Variants in PARD3 observed in about 807,000 individuals in gnomAD.
PARD3 encodes partitioning defective 3 homolog.
PARD3 carries 75 observed loss-of-function variants against 155.4 expected under a neutral mutation model. The ratio of observed to expected loss-of-function variants is 0.48; its 90% CI spans 0.40 to 0.58. PARD3 has a LOEUF of 0.58. Ranked by LOEUF, PARD3 falls within the 20% of genes least tolerant of loss-of-function variation. The pLI is 0.00. For synonymous variants in PARD3, 576 were observed against 610.5 expected (o/e 0.94, Z 0.83); for missense variants, 1,642 against 1,721.7 (o/e 0.95, Z 0.82).
chr10:34,732,175 A>G (rs1224971536), intron 1 of PARD3, among the ~76,000 whole-genome samples: 1 of 152,124 alleles, frequency 6.6e-6, no homozygotes, highest in African/African-American at 2.4e-5. Flanking sequence ...AAAGGTAAGA[A>G]AAAAAAAGAA....
intron 22 of PARD3, among the ~76,000 whole-genome samples, chr10:34,247,509 AAAC>A: frequency 6.6e-6 from 1 of 152,200 alleles, no homozygotes; most frequent in Non-Finnish European, 1.5e-5. Context: ...GAAACAAAAC[AAAC>A]AAAACAAAAA....
At chr10:34,775,962 C>T (rs1040359054) in intron 1 of PARD3, among the ~76,000 whole-genome samples, 2 of 152,136 alleles carry the variant, frequency 1.3e-5, no homozygotes, top group Non-Finnish European at 2.9e-5. Flanking sequence ...TGGTGGCTTA[C>T]ACCTGTAATC....
chr10:34,727,570 A>AT (rs5784427), intron 1 of PARD3, among the ~76,000 whole-genome samples: 2 of 150,934 alleles, frequency 1.3e-5, no homozygotes, highest in Non-Finnish European at 2.9e-5. Flanking sequence ...TGCTATGTTT[A>AT]TTTTTTTTTT....
chr10:34,726,227 A>C (rs1296020318), intron 1 of PARD3, among the ~76,000 whole-genome samples: 4 of 152,194 alleles, frequency 2.6e-5, no homozygotes, highest in East Asian at 3.8e-4. Flanking sequence ...AGGTGGGTGA[A>C]TCACCTAAGT....
chr10:34,624,763 C>T (rs771466959), intron 2 of PARD3, among the ~76,000 whole-genome samples: 18 of 152,256 alleles, frequency 1.2e-4, no homozygotes, highest in Non-Finnish European at 1.9e-4. Flanking sequence ...GCTCAGCCCG[C>T]TCTGATGTCA....
intron 3 of PARD3, among the ~76,000 whole-genome samples, chr10:34,491,750 T>C (rs1441024876): frequency 1.3e-5 from 2 of 152,238 alleles, no homozygotes; most frequent in African/African-American, 2.4e-5. Context: ...AGCACTTTAA[T>C]ATTGATAAAA....
intron 3 of PARD3, among the ~76,000 whole-genome samples, chr10:34,486,992 A>G (rs1213517281): frequency 6.6e-6 from 1 of 152,030 alleles, no homozygotes; most frequent in Admixed American, 6.6e-5. Context: ...GTCATCCTCT[A>G]CAAAGCACTC....
chr10:34,268,475 C>A (rs1027011023), intron 22 of PARD3, among the ~76,000 whole-genome samples: 1 of 78,634 alleles, frequency 1.3e-5, no homozygotes. Flanking sequence ...AAGACACATG[C>A]ACACTATGTT....
At chr10:34,767,294 G>A (rs1190569263) in intron 1 of PARD3, among the ~76,000 whole-genome samples, 1 of 152,120 alleles carries the variant, frequency 6.6e-6, no homozygotes, top group Non-Finnish European at 1.5e-5. Context: ...ACAAGATCAC[G>A]AGATAGAGAG....
chr10:34,314,567 G>T (rs1435089736), intron 20 of PARD3, among the ~76,000 whole-genome samples: 1 of 152,154 alleles, frequency 6.6e-6, no homozygotes, highest in Non-Finnish European at 1.5e-5. Flanking sequence ...TGTTCACCGT[G>T]GGGTGCTATG....
At chr10:34,719,332 C>T (rs748896455) in intron 1 of PARD3, among the ~76,000 whole-genome samples, 2 of 152,060 alleles carry the variant, frequency 1.3e-5, no homozygotes, top group Non-Finnish European at 2.9e-5. Context: ...TCAAAAGGCC[C>T]CAAATAAATT....
At chr10:34,812,166 G>A (rs1024320734) in intron 1 of PARD3, among the ~76,000 whole-genome samples, 1 of 152,206 alleles carries the variant, frequency 6.6e-6, no homozygotes, top group Admixed American at 6.5e-5. Context: ...TGCAATGCCA[G>A]AAAATTAGCC....
chr10:34,720,227 C>G (rs893270113), intron 1 of PARD3, among the ~76,000 whole-genome samples: 2 of 152,240 alleles, frequency 1.3e-5, no homozygotes, highest in East Asian at 3.9e-4. Context: ...GAGTGTCAGG[C>G]GTTCAAGACT....
chr10:34,742,383 T>G (rs2095034960), intron 1 of PARD3, among the ~76,000 whole-genome samples: 1 of 152,242 alleles, frequency 6.6e-6, no homozygotes, highest in South Asian at 2.1e-4. Context: ...ATTAATAGAC[T>G]GATTAATAGA....
chr10:34,722,662 GA>G (rs941378198), intron 1 of PARD3, among the ~76,000 whole-genome samples: 9 of 152,258 alleles, frequency 5.9e-5, no homozygotes, highest in African/African-American at 2.2e-4. Context: ...CCTATGCTCC[GA>G]AAGCTGTTGA....
chr10:34,470,328 G>A (rs2078269891), intron 3 of PARD3, 65 bp from the exon 4 acceptor site: 1 of 1,177,530 alleles, frequency 8.5e-7, no homozygotes, highest in African/African-American at 1.6e-5. Context: ...CATGTTAGGA[G>A]AACGTAGGGA....
intron 5 of PARD3, among the ~76,000 whole-genome samples, chr10:34,435,676 C>T (rs751406222): frequency 2.6e-5 from 4 of 152,144 alleles, no homozygotes; most frequent in Non-Finnish European, 5.9e-5. Context: ...CATTCATTCA[C>T]AAAAGTTTAA....
intron 15 of PARD3, among the ~76,000 whole-genome samples, 186 bp from the exon 16 acceptor site, chr10:34,342,002 C>G (rs1281675076): frequency 1.3e-5 from 2 of 152,196 alleles, no homozygotes; most frequent in Admixed American, 1.3e-4. Context: ...GACCTCGAGT[C>G]TATTACTACC....
At chr10:34,536,617 G>A (rs1473222894) in intron 2 of PARD3, among the ~76,000 whole-genome samples, 4 of 152,166 alleles carry the variant, frequency 2.6e-5, no homozygotes, top group East Asian at 3.9e-4. Context: ...AAACCATCAC[G>A]TTTTCTTGTA....
Sources: allele counts gnomAD v4.1 joint callset (sites outside exome capture counted in the v4.1 genomes callset), GRCh38; gene constraint gnomAD v4.1.1; transcripts MANE v1.5; gene names NCBI Gene and HGNC (gene_info 2026-07-23, HGNC 2026-07-21).